The following BRWD1 variants were observed in gnomAD, a reference collection of about 807,000 sequenced individuals.
BRWD1 encodes bromodomain and WD repeat-containing protein 1.
Under a neutral mutation model 251.2 loss-of-function variants are expected in BRWD1, and 82 were observed. The ratio of observed to expected loss-of-function variants is 0.33; its 90% CI spans 0.27 to 0.39. BRWD1 has a LOEUF of 0.39. BRWD1 is among the 10% of genes least tolerant of loss of function. BRWD1 has a pLI of 1.00. For missense variants in BRWD1, 2,233 were observed against 2,711.6 expected (o/e 0.82, Z 3.92); for synonymous variants, 918 against 902.8 (o/e 1.02, Z -0.30).
rs2031365319 is a variant in BRWD1 at position 39,188,412 on chromosome 21, G to T, written c.*7847C>A. The T allele has an allele frequency of 4.1e-6, 4 of 985,370 alleles. No individual in the cohort carries two copies. The highest frequency in any genetic ancestry group is 4.8e-6 in the Non-Finnish European group (4 of 829,896). 61.0% of individuals were successfully genotyped at this position (985,370 alleles called of 1,614,324 possible). A position where few individuals can be genotyped will look rare whatever the true frequency, so the allele number is the denominator to read the frequency against. ...CCTCCACCCACACTAGACATCTGGAGGACTCCACCACATTCTTTTTACTAC... is the reference window on the plus strand; with the variant it reads ...CCTCCACCCACACTAGACATCTGGATGACTCCACCACATTCTTTTTACTAC... On this transcript the variant is annotated 3_prime_UTR_variant, in exon 41 of 41. Coordinates refer to ENST00000342449, the MANE Select transcript of BRWD1 (RefSeq NM_033656.4).
In BRWD1 at chr21:39,194,574, A is replaced by T; in HGVS notation, c.*1685T>A. The T allele has an allele frequency of 6.8e-7, 1 of 1,464,572 alleles. No homozygotes were observed. Among genetic ancestry groups the T allele is most frequent in the Non-Finnish European group, 9.0e-7 (1 of 1,113,012 alleles). 90.7% of individuals were successfully genotyped at this position (1,464,572 alleles called of 1,614,324 possible). A position where few individuals can be genotyped will look rare whatever the true frequency, so the allele number is the denominator to read the frequency against. ...GGTTTCCCACCTATCTCAGTTGATA[A>T]TGTCCAAAAACATCCTTCCCCATGC... On this transcript the variant is annotated 3_prime_UTR_variant, in exon 41 of 41. Coordinates refer to ENST00000342449, the MANE Select transcript of BRWD1 (RefSeq NM_033656.4).
intron 10 of BRWD1, 28 bp downstream of exon 10, chr21:39,278,715 T>G (rs369225282): frequency 2.0e-6 from 3 of 1,500,532 alleles, no homozygotes; most frequent in Admixed American, 4.6e-5. Flanking sequence ...AAAAAAAAAC[T>G]AAGAAAAAAA....
At chr21:39,307,354 TATCA>T (rs990576485) in intron 4 of BRWD1, among the ~76,000 whole-genome samples, 1 of 152,148 alleles carries the variant, frequency 6.6e-6, no homozygotes, top group Non-Finnish European at 1.5e-5. Flanking sequence ...TTTTTTACTC[TATCA>T]AACAAATAAA....
rs529640739 is a variant in BRWD1, at chr21:39,283,809, C to A, written c.832-3561G>T. The stretch of plus-strand genomic sequence containing the variant: ...CATGTTTTGTTATGCCCCCTCAAGG[C>A]CAGTCGCCAATGACTATAATATGTA... On this transcript the variant is annotated intron_variant, in intron 8 of 40. Transcript: ENST00000342449. 1.6e-4 allele frequency among the ~76,000 whole-genome samples: 24 copies of A among 152,212 alleles called. 1 individual carries two copies. In the South Asian group the frequency reaches 4.6e-3, roughly 29 times the overall value.
chr21:39,206,151 G>A lies in BRWD1; in HGVS notation c.4321C>T (p.Arg1441Trp), dbSNP rs773288022. 32 of 1,613,004 alleles carry A rather than the reference G, an allele frequency of 2.0e-5. No individual in the cohort carries two copies. The highest frequency in any genetic ancestry group is 1.0e-4 in the Admixed American group (6 of 59,848). Residue 1441 changes from arginine to tryptophan, a missense_variant, in exon 37 of 41, where the codon CGG becomes TGG. Physicochemically the swap from Arg to Trp is moderately radical, Grantham distance 101 (BLOSUM62 -3). Transcript: ENST00000342449. Reference sequence around the variant, plus strand: ...TGACTGTCACCTTTACAATTTTGCCGTTGCTTGAACCTCTGGCTTCTTCGA... The same window carrying A: ...TGACTGTCACCTTTACAATTTTGCCATTGCTTGAACCTCTGGCTTCTTCGA... ...KLRRSQRFKQ[R>W]QNCKGDSQPN...
rs542494380 is a variant in BRWD1 at position 39,199,188 on chromosome 21, G to C, written c.5228C>G (p.Pro1743Arg). 1 of 1,614,126 alleles carries C rather than the reference G, an allele frequency of 6.2e-7. No individual in the cohort carries two copies. The highest frequency in any genetic ancestry group is 1.3e-5 in the African/African-American group (1 of 75,014). The change falls in exon 40 of 41, where the codon CCA becomes CGA. Residue 1743 changes from proline to arginine, a missense_variant. Around this residue, in one of 12 missense-constraint regions of BRWD1, gnomAD observed 928 missense variants for 970.0 expected, o/e 0.96. Transcript: ENST00000342449. ...AAGAAATTTTGTCTTTGAAGGTGCT[G>C]GAGTATGGGACTTGTAACCATTAGC... ...WHANGYKSHT[P>R]APSKTKFLKI... is the part of the protein sequence containing the mutation.
chr21:39,296,240 C>T, intron 6 of BRWD1, 25 bp downstream of exon 6: 2 of 1,520,786 alleles, frequency 1.3e-6, no homozygotes, highest in East Asian at 2.3e-5. Flanking sequence ...TTATTTCAGG[C>T]ATCTCAAAGG....
upstream of BRWD1, among the ~76,000 whole-genome samples, chr21:39,315,513 A>G (rs563069700): frequency 6.6e-6 from 1 of 152,166 alleles, no homozygotes; most frequent in South Asian, 2.1e-4. Flanking sequence ...GCGCGCCTCT[A>G]GTCCCAGCTA....
chr21:39,272,595 A>G (rs1371461339), intron 13 of BRWD1, among the ~76,000 whole-genome samples: 6 of 150,852 alleles, frequency 4.0e-5, no homozygotes, highest in Admixed American at 4.0e-4. Flanking sequence ...AGGCTTTTGA[A>G]GTAATAACAT....
chr21:39,313,334 C>T (rs772664043), intron 1 of BRWD1, 35 bp from the exon 2 acceptor site: 3 of 1,475,432 alleles, frequency 2.0e-6, no homozygotes, highest in Non-Finnish European at 1.8e-6. Context: ...CAAGCCCCGG[C>T]GGGGAGGGGA....
intron 7 of BRWD1, 74 bp downstream of exon 7, chr21:39,295,669 G>A: frequency 8.3e-7 from 1 of 1,211,220 alleles, no homozygotes. Flanking sequence ...CAGAAACTAA[G>A]ATTTCCTAGA....
chr21:39,205,590 G>A (rs1407991802), intron 37 of BRWD1, among the ~76,000 whole-genome samples: 4 of 151,902 alleles, frequency 2.6e-5, no homozygotes, highest in East Asian at 1.9e-4. Context: ...TGGGCAACAC[G>A]GTGAAACCCT....
intron 29 of BRWD1, chr21:39,219,932 T>G (rs1050147426): frequency 6.6e-6 from 1 of 152,148 alleles, no homozygotes; most frequent in East Asian, 1.9e-4. Context: ...TAAGCCAAAA[T>G]GTGTATTTTT....
chr21:39,319,190 C>A (rs533265736), intron 1 of BRWD1, among the ~76,000 whole-genome samples: 1 of 152,202 alleles, frequency 6.6e-6, no homozygotes, highest in Non-Finnish European at 1.5e-5. Flanking sequence ...GTGGTGTCAT[C>A]TTTCCCACAG....
At chr21:39,281,706 T>C (rs2035462333) in intron 8 of BRWD1, among the ~76,000 whole-genome samples, 1 of 152,000 alleles carries the variant, frequency 6.6e-6, no homozygotes, top group Non-Finnish European at 1.5e-5. Context: ...GTTGGATGCC[T>C]GTAACATAAA....
At chr21:39,313,359 G>C (rs1344894286) in intron 1 of BRWD1, 60 bp from the exon 2 acceptor site, 5 of 1,476,918 alleles carry the variant, frequency 3.4e-6, no homozygotes, top group Admixed American at 2.2e-5. Flanking sequence ...GACGGGGCCA[G>C]GGGAGCCGGG....
In BRWD1 at chr21:39,190,666, T is replaced by A; in HGVS notation, c.*5593A>T. On this transcript the variant is annotated 3_prime_UTR_variant, in exon 41 of 41. Transcript: ENST00000342449. Reference sequence around the variant, plus strand: ...AACATTTATCAATGATCTTCATCCCTCCCAAAGCAGAAGTTTCCAAAAACA... The same window carrying A: ...AACATTTATCAATGATCTTCATCCCACCCAAAGCAGAAGTTTCCAAAAACA... 8.1e-6 allele frequency: 8 copies of A among 985,310 alleles called. No homozygotes were observed. The highest frequency in any genetic ancestry group is 9.6e-6 in the Non-Finnish European group (8 of 829,880). The allele number at this position is 985,310 out of a possible 1,614,324, so 61.0% of individuals were successfully genotyped here. A position where few individuals can be genotyped will look rare whatever the true frequency, so the allele number is the denominator to read the frequency against.
intron 5 of BRWD1, chr21:39,297,435 A>C: frequency 1.0e-6 from 1 of 980,080 alleles, no homozygotes; most frequent in Non-Finnish European, 1.2e-6. Flanking sequence ...CCAGTTCTAA[A>C]TCACTGCTCA....
At chr21:39,265,896 T>C (rs1442042297) in intron 15 of BRWD1, among the ~76,000 whole-genome samples, 1 of 152,262 alleles carries the variant, frequency 6.6e-6, no homozygotes, top group African/African-American at 2.4e-5. Flanking sequence ...ATCATGAGTG[T>C]AACCTTAAAT....
Sources: gnomAD v4.1 joint callset for allele counts (sites outside exome capture counted in the v4.1 genomes callset) on GRCh38, gnomAD v4.1.1 for gene constraint, gnomAD v4.1.1 regional missense constraint, MANE v1.5 for transcripts, NCBI Gene and HGNC (gene_info 2026-07-23, HGNC 2026-07-21) for gene names.